The following STK3 variants were observed in gnomAD, a reference collection of about 807,000 sequenced individuals.
The protein encoded by STK3 is serine/threonine kinase 3.
Under a neutral mutation model 58.0 loss-of-function variants are expected in STK3, and 41 were observed. That is an observed-to-expected ratio of 0.71 (90% CI 0.55 to 0.92). The LOEUF is 0.92. Ranked by LOEUF, STK3 falls within the 40% of genes least tolerant of loss-of-function variation. STK3 has a pLI of 0.00. For missense variants in STK3, 479 were observed against 602.7 expected (o/e 0.79, Z 2.15); for synonymous variants, 170 against 191.0 (o/e 0.89, Z 0.91).
chr8:98,538,220 G>A (rs904082463), intron 9 of STK3, among the ~76,000 whole-genome samples: 4 of 152,016 alleles, frequency 2.6e-5, no homozygotes, highest in Non-Finnish European at 5.9e-5. Flanking sequence ...AATGGCCTTC[G>A]AAATGTGTCC....
intron 10 of STK3, among the ~76,000 whole-genome samples, chr8:98,519,498 CAAGTG>C (rs10601703): frequency 0.46 from 69,689 of 151,224 alleles, 16,206 homozygotes; most frequent in South Asian, 0.51. Flanking sequence ...TTCTCCAGAA[CAAGTG>C]AAGATTCCTA....
chr8:98,716,258 C>T (rs1341420522), intron 4 of STK3, among the ~76,000 whole-genome samples: 1 of 151,940 alleles, frequency 6.6e-6, no homozygotes, highest in African/African-American at 2.4e-5. Context: ...ATGTTGTGCA[C>T]ATGTACCCTA....
At chr8:98,679,730 T>G (rs1196361953) in intron 6 of STK3, among the ~76,000 whole-genome samples, 1 of 152,204 alleles carries the variant, frequency 6.6e-6, no homozygotes, top group Non-Finnish European at 1.5e-5. Context: ...CCACAGCTTC[T>G]CAGTTACAGT....
At chr8:98,555,333 T>C (rs1173482015) in intron 8 of STK3, among the ~76,000 whole-genome samples, 1 of 152,156 alleles carries the variant, frequency 6.6e-6, no homozygotes, top group Non-Finnish European at 1.5e-5. Flanking sequence ...GACTAATTTG[T>C]CATTAGTGTC....
chr8:98,698,618 T>G (rs1328594861), intron 6 of STK3, among the ~76,000 whole-genome samples: 1 of 152,228 alleles, frequency 6.6e-6, no homozygotes, highest in African/African-American at 2.4e-5. Flanking sequence ...CTCCTTCACT[T>G]ATGAAGCTTA....
chr8:98,620,131 C>T (rs1176664934), intron 6 of STK3, among the ~76,000 whole-genome samples: 16 of 55,704 alleles, frequency 2.9e-4, no homozygotes, highest in Admixed American at 4.7e-4. Flanking sequence ...GAATACTATG[C>T]AGCCATAAAA....
intron 6 of STK3, among the ~76,000 whole-genome samples, chr8:98,696,761 G>C (rs1005646165): frequency 6.6e-6 from 1 of 152,082 alleles, no homozygotes; most frequent in Non-Finnish European, 1.5e-5. Flanking sequence ...CGTTTTGCCA[G>C]TATTTTATTG....
intron 4 of STK3, among the ~76,000 whole-genome samples, chr8:98,734,667 T>G (rs1261748258): frequency 6.6e-6 from 1 of 152,210 alleles, no homozygotes; most frequent in Non-Finnish European, 1.5e-5. Context: ...ATTTCTACTC[T>G]GCAGTATATG....
intron 3 of STK3, among the ~76,000 whole-genome samples, chr8:98,859,631 C>T (rs1836853930): frequency 6.6e-6 from 1 of 152,170 alleles, no homozygotes; most frequent in Admixed American, 6.5e-5. Context: ...TCTTATGACT[C>T]CTCTCAGCAC....
chr8:98,392,022 A>G (rs1817852306), upstream of STK3, among the ~76,000 whole-genome samples: 4 of 152,258 alleles, frequency 2.6e-5, no homozygotes, highest in African/African-American at 7.2e-5. Flanking sequence ...GGAAGTGCTT[A>G]GTAAACATTA....
rs1172366812 is a variant in STK3 at position 98,585,470 on chromosome 8, C to A, written c.823-5681G>T. On this transcript the variant is annotated intron_variant, in intron 7 of 10. Transcript: ENST00000419617. Reference sequence around the variant, plus strand: ...ATTGATCTATATCTCTGTTTTGGTACCAGTACCATGCTGTTTTGGTTACTG... The same window carrying A: ...ATTGATCTATATCTCTGTTTTGGTAACAGTACCATGCTGTTTTGGTTACTG... 2.6e-5 allele frequency among the ~76,000 whole-genome samples: 4 copies of A among 151,318 alleles called. No individual in the cohort carries two copies. The South Asian group carries it at 6.4e-4, about 24-fold the overall frequency.
At chr8:98,500,773 T>C (rs1002687949) in intron 10 of STK3, among the ~76,000 whole-genome samples, 2 of 152,206 alleles carry the variant, frequency 1.3e-5, no homozygotes, top group Non-Finnish European at 2.9e-5. Context: ...TATTCCATGG[T>C]GTATACGTGC....
chr8:98,831,558 C>T (rs1835535873), intron 3 of STK3, among the ~76,000 whole-genome samples: 1 of 152,274 alleles, frequency 6.6e-6, no homozygotes, highest in African/African-American at 2.4e-5. Context: ...TGGCCAGCCT[C>T]ATTTTTATAT....
Position 98,455,665 on chromosome 8 carries a change from C to G in STK3, c.*177G>C. 1.5e-6 allele frequency: 1 copy of G among 651,262 alleles called. No individual in the cohort carries two copies. The highest frequency in any genetic ancestry group is 2.0e-5 in the South Asian group (1 of 50,324). 40.3% of individuals were successfully genotyped at this position (651,262 alleles called of 1,614,324 possible). A position where few individuals can be genotyped will look rare whatever the true frequency, so the allele number is the denominator to read the frequency against. ...TCCTCATCTTAGAGTGAATGCACAG[C>G]AGATACAACTGTCAATTCTGCCTTT... On this transcript the variant is annotated 3_prime_UTR_variant, in exon 11 of 11. Transcript: ENST00000419617.
intron 3 of STK3, among the ~76,000 whole-genome samples, chr8:98,858,445 G>A (rs1002361839): frequency 1.3e-5 from 2 of 149,230 alleles, no homozygotes; most frequent in Non-Finnish European, 3.0e-5. Context: ...AGGATTACAG[G>A]CGTGAGTCAC....
At chr8:98,488,453 C>T (rs1482649760) in intron 10 of STK3, among the ~76,000 whole-genome samples, 9 of 152,066 alleles carry the variant, frequency 5.9e-5, no homozygotes, top group Non-Finnish European at 1.2e-4. Flanking sequence ...AAACTGTTTC[C>T]TAGTTACTAG....
chr8:98,586,821 C>G lies in STK3; in HGVS notation c.823-7032G>C, dbSNP rs531359777. On this transcript the variant is annotated intron_variant, in intron 7 of 10. Coordinates refer to ENST00000419617, the MANE Select transcript of STK3 (RefSeq NM_006281.4). ...AGATTCAACTTCTTCCTGGTTTAGT[C>G]CTGGGAGAGTGTATGTGTCGAGGAA... Among the ~76,000 whole-genome samples the G allele has an allele frequency of 9.2e-5, 14 of 151,882 alleles. No individual in the cohort carries two copies. The South Asian group carries it at 2.7e-3, about 29-fold the overall frequency.
At chr8:98,741,367 TA>T (rs1829191981) in intron 4 of STK3, among the ~76,000 whole-genome samples, 1 of 152,152 alleles carries the variant, frequency 6.6e-6, no homozygotes, top group Non-Finnish European at 1.5e-5. Context: ...TCAGCAAATG[TA>T]AAAGATCAGA....
At chr8:98,860,798 T>C (rs1348472775) in intron 3 of STK3, among the ~76,000 whole-genome samples, 1 of 152,082 alleles carries the variant, frequency 6.6e-6, no homozygotes, top group Admixed American at 6.6e-5. Flanking sequence ...CTCATGCCTG[T>C]CATCCCAACA....
Sources: gnomAD v4.1 joint callset for allele counts (sites outside exome capture counted in the v4.1 genomes callset) on GRCh38, gnomAD v4.1.1 for gene constraint, MANE v1.5 for transcripts, NCBI Gene and HGNC (gene_info 2026-07-23, HGNC 2026-07-21) for gene names.